The following LIMCH1 variants were observed in gnomAD, a reference collection of about 807,000 sequenced individuals.
LIMCH1 encodes the protein LIM and calponin homology domains-containing protein 1.
In LIMCH1, 113 loss-of-function variants were observed where a neutral mutation model predicts 176.5. That is an observed-to-expected ratio of 0.64 (90% confidence interval 0.55 to 0.75). The LOEUF (loss-of-function observed/expected upper bound fraction) is 0.75. LIMCH1 is among the 30% of genes least tolerant of loss of function. The pLI is 0.00. For synonymous variants in LIMCH1, 619 were observed against 645.9 expected (o/e 0.96, Z 0.63); for missense variants, 1,674 against 1,814.9 (o/e 0.92, Z 1.41).
chr4:41,645,900 A>C (rs950332756), intron 15 of LIMCH1, among the ~76,000 whole-genome samples: 1 of 152,262 alleles, frequency 6.6e-6, no homozygotes, highest in Non-Finnish European at 1.5e-5. Flanking sequence ...ATAAATGTGC[A>C]GCCCTGCTAT....
At chr4:41,690,122 C>A (rs1478059833) in intron 30 of LIMCH1, among the ~76,000 whole-genome samples, 1 of 152,164 alleles carries the variant, frequency 6.6e-6, no homozygotes, top group Non-Finnish European at 1.5e-5. Context: ...AAATATCACT[C>A]CCTCAAAAAA....
intron 19 of LIMCH1, chr4:41,661,985 C>T (rs371144716): frequency 3.0e-6 from 1 of 337,884 alleles, no homozygotes. Context: ...GAAGAAGACC[C>T]TGTTCCCGAA....
intron 13 of LIMCH1, among the ~76,000 whole-genome samples, chr4:41,637,410 G>A (rs906009349): frequency 1.3e-5 from 2 of 152,056 alleles, no homozygotes; most frequent in East Asian, 1.9e-4. Flanking sequence ...GGCTGGTCTC[G>A]AACTCCTGAG....
At chr4:41,663,750 G>A (rs2094714055) in intron 20 of LIMCH1, among the ~76,000 whole-genome samples, 1 of 148,758 alleles carries the variant, frequency 6.7e-6, no homozygotes, top group Non-Finnish European at 1.5e-5. Context: ...GGGTGTGGTG[G>A]CTCACAACTG....
At chr4:41,671,514 A>C (rs1382919370) in intron 21 of LIMCH1, 40 bp from the exon 22 acceptor site, 1 of 1,547,856 alleles carries the variant, frequency 6.5e-7, no homozygotes, top group Non-Finnish European at 8.9e-7. Context: ...GAAAATACTC[A>C]CATTCATATC....
intron 1 of LIMCH1, among the ~76,000 whole-genome samples, chr4:41,403,729 A>C (rs2058695508): frequency 6.6e-6 from 1 of 152,184 alleles, no homozygotes; most frequent in South Asian, 2.1e-4. Flanking sequence ...CTACTTATAC[A>C]CTTAATTCCC....
intron 1 of LIMCH1, among the ~76,000 whole-genome samples, chr4:41,463,602 G>A (rs1178344516): frequency 2.0e-5 from 3 of 150,334 alleles, no homozygotes; most frequent in Non-Finnish European, 3.0e-5. Context: ...TGAGACAGGG[G>A]TCTCACTCTG....
intron 1 of LIMCH1, among the ~76,000 whole-genome samples, chr4:41,539,337 G>T (rs2152468110): frequency 6.6e-6 from 1 of 152,282 alleles, no homozygotes; most frequent in African/African-American, 2.4e-5. Flanking sequence ...GGTTTGTCCT[G>T]TGCTGCGCGG....
intron 4 of LIMCH1, 87 bp from the exon 5 acceptor site, chr4:41,613,379 G>T (rs924104766): frequency 7.0e-6 from 8 of 1,143,762 alleles, no homozygotes; most frequent in Middle Eastern, 2.0e-4. Context: ...ATATGCAGGG[G>T]TTTTTTTGGA....
chr4:41,366,287 T>C (rs2052972204), intron 1 of LIMCH1, among the ~76,000 whole-genome samples: 1 of 152,218 alleles, frequency 6.6e-6, no homozygotes, highest in Admixed American at 6.5e-5. Flanking sequence ...ACATTTTGTA[T>C]TTTGTATTTT....
chr4:41,444,363 G>C (rs1194438032), intron 1 of LIMCH1, among the ~76,000 whole-genome samples: 1 of 151,284 alleles, frequency 6.6e-6, no homozygotes, highest in East Asian at 2.0e-4. Flanking sequence ...CATATATAGA[G>C]TGCAGGGCAT....
At chr4:41,531,350 C>G (rs1034711568) in intron 3 of LIMCH1, among the ~76,000 whole-genome samples, 1 of 151,908 alleles carries the variant, frequency 6.6e-6, no homozygotes, top group Non-Finnish European at 1.5e-5. Context: ...AACAAGTGAT[C>G]ATAGGAAAGC....
chr4:41,564,593 C>G (rs1185766752), intron 1 of LIMCH1, among the ~76,000 whole-genome samples: 3 of 152,090 alleles, frequency 2.0e-5, no homozygotes, highest in African/African-American at 7.2e-5. Context: ...TTAATGTATC[C>G]TATTCCAGAA....
chr4:41,553,505 A>T (rs1394883048), intron 1 of LIMCH1, among the ~76,000 whole-genome samples: 1 of 152,104 alleles, frequency 6.6e-6, no homozygotes, highest in Non-Finnish European at 1.5e-5. Flanking sequence ...GCAAGATACC[A>T]CTAGACCAGT....
chr4:41,558,779 C>T (rs1647803573), intron 1 of LIMCH1, among the ~76,000 whole-genome samples: 1 of 152,070 alleles, frequency 6.6e-6, no homozygotes, highest in African/African-American at 2.4e-5. Context: ...TTCTATGAAC[C>T]CCTTCAGCAT....
chr4:41,675,248 G>T (rs929819668), intron 22 of LIMCH1, among the ~76,000 whole-genome samples: 3 of 149,508 alleles, frequency 2.0e-5, no homozygotes, highest in Non-Finnish European at 4.4e-5. Flanking sequence ...CAGCCCACCC[G>T]CCATGCACCT....
chr4:41,588,046 A>T (rs1011496521), intron 1 of LIMCH1, among the ~76,000 whole-genome samples: 2 of 152,034 alleles, frequency 1.3e-5, no homozygotes, highest in Non-Finnish European at 2.9e-5. Context: ...TAACTCGTCA[A>T]TTAGCATTAG....
rs886674894 is a variant in LIMCH1 at position 41,474,224 on chromosome 4, C to T, written c.97-20312C>T. 2.0e-5 allele frequency among the ~76,000 whole-genome samples: 3 copies of T among 146,818 alleles called. No individual in the cohort carries two copies. The East Asian group carries it at 6.2e-4, about 30-fold the overall frequency. Reference sequence around the variant, plus strand: ...AAATGGGTGGTCAGGCGCGGTGGCTCACGCCTGTAATCCCAGCACTTTGGG... The same window carrying T: ...AAATGGGTGGTCAGGCGCGGTGGCTTACGCCTGTAATCCCAGCACTTTGGG... On this transcript the variant is annotated intron_variant, in intron 1 of 26. Coordinates refer to the LIMCH1 transcript ENST00000313860.
chr4:41,378,538 G>A (rs2055131374), intron 1 of LIMCH1, among the ~76,000 whole-genome samples: 1 of 152,182 alleles, frequency 6.6e-6, no homozygotes, highest in African/African-American at 2.4e-5. Flanking sequence ...AAGCAATGGG[G>A]TATGACTTAA....
Sources: allele counts gnomAD v4.1 joint callset (sites outside exome capture counted in the v4.1 genomes callset), GRCh38; gene constraint gnomAD v4.1.1; transcripts MANE v1.5; gene names NCBI Gene and HGNC (gene_info 2026-07-23, HGNC 2026-07-21).